KCNIP4: variants seen among roughly 807,000 people sequenced by gnomAD.
The protein encoded by KCNIP4 is potassium voltage-gated channel interacting protein 4.
In KCNIP4, 12 loss-of-function variants were observed where a neutral mutation model predicts 34.0. The observed-to-expected ratio is 0.35, with a 90% CI of 0.23 to 0.57. The LOEUF is 0.57. KCNIP4 is among the 20% of genes least tolerant of loss of function. KCNIP4 has a pLI of 0.83. For missense variants in KCNIP4, 238 were observed against 311.7 expected, an observed-to-expected ratio of 0.76 and a Z score of 1.78; for synonymous variants, 124 against 102.2, an observed-to-expected ratio of 1.21 and a Z score of -1.29.
chr4:21,361,474 C>T (rs756704726), intron 1 of KCNIP4, among the ~76,000 whole-genome samples: 1 of 151,494 alleles, frequency 6.6e-6, no homozygotes, highest in Non-Finnish European at 1.5e-5. Flanking sequence ...TTATCTAGCA[C>T]ACAGTTAATA....
At chr4:21,469,561 G>T (rs6855143) in intron 1 of KCNIP4, among the ~76,000 whole-genome samples, 1 of 151,978 alleles carries the variant, frequency 6.6e-6, no homozygotes, top group African/African-American at 2.4e-5. Context: ...AAAACGTTTT[G>T]TACAAATAAC....
Position 21,249,328 on chromosome 4 carries a change from A to G in KCNIP4, c.62-366619T>C, listed in dbSNP as rs981035708. Among the ~76,000 whole-genome samples, 4 of 152,250 alleles carry G rather than the reference A, an allele frequency of 2.6e-5. No individual in the cohort carries two copies. The East Asian group carries it at 7.7e-4, about 29-fold the overall frequency. The stretch of plus-strand genomic sequence containing the variant: ...TTTGAAAGGGAGGTATCGAAGTTCA[A>G]AGTAGCACTCTCTCTTCCGATGCAT... On this transcript the variant is annotated intron_variant, in intron 1 of 8. Coordinates refer to ENST00000382152, the MANE Select transcript of KCNIP4 (RefSeq NM_025221.6).
At chr4:21,066,875 G>T (rs1445015981) in intron 1 of KCNIP4, among the ~76,000 whole-genome samples, 1 of 152,156 alleles carries the variant, frequency 6.6e-6, no homozygotes, top group Non-Finnish European at 1.5e-5. Context: ...GCTCAAAGGG[G>T]CCAGGGGACT....
chr4:21,485,254 TA>T (rs1051010074), intron 1 of KCNIP4, among the ~76,000 whole-genome samples: 1 of 152,150 alleles, frequency 6.6e-6, no homozygotes, highest in African/African-American at 2.4e-5. Flanking sequence ...CACTCTTTTT[TA>T]AAAAAATTAT....
At chr4:21,519,724 A>G (rs541661484) in intron 1 of KCNIP4, among the ~76,000 whole-genome samples, 5 of 122,046 alleles carry the variant, frequency 4.1e-5, no homozygotes, top group Admixed American at 2.6e-4. Flanking sequence ...ATATATACAC[A>G]CGTGTGTATA....
intron 1 of KCNIP4, among the ~76,000 whole-genome samples, chr4:21,078,731 G>A (rs1263106638): frequency 6.6e-6 from 1 of 152,096 alleles, no homozygotes; most frequent in African/African-American, 2.4e-5. Context: ...AGACGAACTT[G>A]AGATGTTTTA....
Position 21,234,357 on chromosome 4 carries a change from A to T in KCNIP4, c.62-351648T>A, listed in dbSNP as rs1759152681. ...TTATATATAACATACATTATATATA[A>T]CATATATAATATATAACATACATCA... On this transcript the variant is annotated intron_variant, in intron 1 of 8. Transcript: ENST00000382152. Among the ~76,000 whole-genome samples, 29 of 127,552 alleles carry T rather than the reference A, an allele frequency of 2.3e-4. 3 individuals are homozygous for T. Among genetic ancestry groups the T allele is most frequent in the Non-Finnish European group, 3.4e-4 (22 of 65,244 alleles). 83.7% of individuals were successfully genotyped at this position (127,552 alleles called of 152,430 possible).
intron 1 of KCNIP4, among the ~76,000 whole-genome samples, chr4:21,099,528 A>T (rs1560719274): frequency 6.6e-6 from 1 of 152,122 alleles, no homozygotes; most frequent in Non-Finnish European, 1.5e-5. Flanking sequence ...TACCTAGGTG[A>T]TGGGTTGATC....
At chr4:21,515,801 T>C (rs1734710813) in intron 1 of KCNIP4, among the ~76,000 whole-genome samples, 1 of 152,206 alleles carries the variant, frequency 6.6e-6, no homozygotes, top group Admixed American at 6.5e-5. Context: ...TTTTGCCATC[T>C]GCTCTTCCAC....
chr4:21,555,466 A>C (rs539213141), intron 1 of KCNIP4, among the ~76,000 whole-genome samples: 1 of 152,136 alleles, frequency 6.6e-6, no homozygotes, highest in Non-Finnish European at 1.5e-5. Context: ...AGGGCAATAA[A>C]GTTTTTAGAA....
chr4:21,569,428 T>C (rs1294596229), intron 1 of KCNIP4, among the ~76,000 whole-genome samples: 1 of 151,896 alleles, frequency 6.6e-6, no homozygotes, highest in Non-Finnish European at 1.5e-5. Context: ...TACAGAACTT[T>C]AGTAATTTGA....
At chr4:21,680,433 G>T (rs1313081315) in intron 1 of KCNIP4, among the ~76,000 whole-genome samples, 2 of 152,142 alleles carry the variant, frequency 1.3e-5, no homozygotes, top group Non-Finnish European at 2.9e-5. Context: ...ATGTTAGAAT[G>T]AACTTCTCCC....
chr4:20,744,259 G>A lies in KCNIP4; in HGVS notation c.429+5403C>T, dbSNP rs149104950. 9.8e-3 allele frequency among the ~76,000 whole-genome samples: 1,497 copies of A among 152,286 alleles called. 25 individuals carry two copies. Among genetic ancestry groups the A allele is most frequent in the African/African-American group, 0.035 (1,438 of 41,550 alleles). The stretch of plus-strand genomic sequence containing the variant: ...TTTGACCCAGCAATCCCATTACTGG[G>A]TATACACCCAAAGGATTATAAATCA... On this transcript the variant is annotated intron_variant, in intron 5 of 8. Transcript: ENST00000382152.
At chr4:21,826,087 G>T (rs955061791) in intron 1 of KCNIP4, among the ~76,000 whole-genome samples, 1 of 152,080 alleles carries the variant, frequency 6.6e-6, no homozygotes, top group Non-Finnish European at 1.5e-5. Flanking sequence ...GATACCTAGC[G>T]AGCCAAAAAA....
At chr4:21,352,270 C>T (rs1030857056) in intron 1 of KCNIP4, among the ~76,000 whole-genome samples, 2 of 152,122 alleles carry the variant, frequency 1.3e-5, no homozygotes, top group African/African-American at 2.4e-5. Context: ...ATCATTGGGA[C>T]TGGTTGGACA....
At chr4:21,235,882 A>G (rs546972103) in intron 1 of KCNIP4, among the ~76,000 whole-genome samples, 21 of 152,310 alleles carry the variant, frequency 1.4e-4, no homozygotes, top group African/African-American at 5.1e-4. Flanking sequence ...AGGAGAAGGC[A>G]TTGCCTAGGT....
At chr4:21,032,987 T>C (rs955489418) in intron 1 of KCNIP4, among the ~76,000 whole-genome samples, 4 of 152,106 alleles carry the variant, frequency 2.6e-5, no homozygotes, top group African/African-American at 4.8e-5. Context: ...CCTTTTCTCC[T>C]CTCTCCTCTT....
chr4:21,520,639 C>G (rs1367857543), intron 1 of KCNIP4, among the ~76,000 whole-genome samples: 1 of 152,074 alleles, frequency 6.6e-6, no homozygotes, highest in Admixed American at 6.6e-5. Flanking sequence ...CCTGAGTAAG[C>G]AATGTGTTAT....
chr4:21,653,732 A>T (rs1334207630), intron 1 of KCNIP4, among the ~76,000 whole-genome samples: 1 of 152,146 alleles, frequency 6.6e-6, no homozygotes, highest in Non-Finnish European at 1.5e-5. Context: ...ACAACATTCA[A>T]AGATCGTAGG....
Sources: gnomAD v4.1 joint callset for allele counts (sites outside exome capture counted in the v4.1 genomes callset) on GRCh38, gnomAD v4.1.1 for gene constraint, MANE v1.5 for transcripts, NCBI Gene and HGNC (gene_info 2026-07-23, HGNC 2026-07-21) for gene names.